The following CTNNA2 variants were observed in gnomAD, a reference collection of about 807,000 sequenced individuals.
The protein encoded by CTNNA2 is catenin alpha-2.
CTNNA2 carries 42 observed loss-of-function variants against 101.0 expected under a neutral mutation model. The ratio of observed to expected loss-of-function variants is 0.42; its 90% CI spans 0.32 to 0.54. The LOEUF is 0.54. CTNNA2 is among the 20% of genes least tolerant of loss of function. The pLI, the probability that CTNNA2 is intolerant of heterozygous loss-of-function variation, is 0.14. For synonymous variants in CTNNA2, 450 were observed against 456.4 expected (o/e 0.99, Z 0.18); for missense variants, 871 against 1,223.1 (o/e 0.71, Z 4.29).
chr2:80,610,157 C>A (rs545066327), intron 17 of CTNNA2, among the ~76,000 whole-genome samples: 58 of 151,852 alleles, frequency 3.8e-4, no homozygotes, highest in African/African-American at 1.3e-3. Context: ...TGGGCCTGCT[C>A]TTGGCTTCCT....
chr2:80,243,238 G>A (rs1205582192), intron 7 of CTNNA2, among the ~76,000 whole-genome samples: 1 of 152,068 alleles, frequency 6.6e-6, no homozygotes, highest in African/African-American at 2.4e-5. Context: ...CTTCTAAGCT[G>A]TTTTTCACAT....
chr2:79,970,805 G>T (rs973725705), intron 7 of CTNNA2, among the ~76,000 whole-genome samples: 1 of 144,798 alleles, frequency 6.9e-6, no homozygotes, highest in Admixed American at 6.8e-5. Flanking sequence ...AGGTGTAAAC[G>T]TCTAAAAAAA....
chr2:79,649,687 A>G (rs1423894662), intron 1 of CTNNA2, among the ~76,000 whole-genome samples: 1 of 152,200 alleles, frequency 6.6e-6, no homozygotes, highest in African/African-American at 2.4e-5. Context: ...GACAGGCAGC[A>G]TGTCGGTGCC....
At chr2:80,404,711 GGC>G (rs1678904024) in intron 8 of CTNNA2, among the ~76,000 whole-genome samples, 2 of 152,220 alleles carry the variant, frequency 1.3e-5, no homozygotes, top group African/African-American at 4.8e-5. Flanking sequence ...GTCTTCCCAG[GGC>G]AAGAGGTCTT....
At position 79,532,409 on chromosome 2, in the gene CTNNA2, A is replaced by T. The variant is rs191729026; in HGVS notation, c.-6+19202A>T. On this transcript the variant is annotated intron_variant, in intron 1 of 18. Transcript: ENST00000402739. ...CTAGCCTATGTTCCAAATTTATATT[A>T]TAATTGTGCTATTTTGCTATAGTAC... 6.4e-4 allele frequency among the ~76,000 whole-genome samples: 98 copies of T among 152,264 alleles called. 3 individuals are homozygous for T. Among genetic ancestry groups the T allele is most frequent in the African/African-American group, 2.3e-3 (94 of 41,568 alleles).
chr2:79,293,693 CA>C (rs1675890830), intron 2 of CTNNA2, among the ~76,000 whole-genome samples: 1 of 152,080 alleles, frequency 6.6e-6, no homozygotes, highest in Admixed American at 6.5e-5. Context: ...CACTATTTTT[CA>C]AGGACATGTG....
intron 7 of CTNNA2, among the ~76,000 whole-genome samples, chr2:80,381,607 C>T (rs767157015): frequency 6.6e-6 from 1 of 152,124 alleles, no homozygotes; most frequent in Non-Finnish European, 1.5e-5. Context: ...TTTGGGCAGG[C>T]AAAACAGCCC....
At chr2:79,596,851 T>C (rs78447581) in intron 1 of CTNNA2, among the ~76,000 whole-genome samples, 1 of 152,194 alleles carries the variant, frequency 6.6e-6, no homozygotes, top group Non-Finnish European at 1.5e-5. Context: ...TGCTCTGCTA[T>C]TCTCCAGGGC....
chr2:80,072,832 G>C (rs1698429241), intron 7 of CTNNA2, among the ~76,000 whole-genome samples: 1 of 152,128 alleles, frequency 6.6e-6, no homozygotes, highest in African/African-American at 2.4e-5. Flanking sequence ...AGGTAACAGA[G>C]AAAGACTTCC....
At chr2:80,178,484 C>A (rs1379620995) in intron 7 of CTNNA2, among the ~76,000 whole-genome samples, 2 of 152,214 alleles carry the variant, frequency 1.3e-5, no homozygotes, top group Non-Finnish European at 2.9e-5. Context: ...CCTATGGGGG[C>A]CTGCCAAAGG....
At chr2:80,416,467 C>T (rs1398765303) in intron 8 of CTNNA2, among the ~76,000 whole-genome samples, 4 of 152,126 alleles carry the variant, frequency 2.6e-5, no homozygotes, top group Non-Finnish European at 5.9e-5. Flanking sequence ...TCCCCACCAA[C>T]ACTCCTGGTT....
chr2:80,598,286 A>C (rs1017103369), intron 15 of CTNNA2, among the ~76,000 whole-genome samples: 1 of 152,106 alleles, frequency 6.6e-6, no homozygotes, highest in African/African-American at 2.4e-5. Flanking sequence ...GGAACAACAC[A>C]CACTGGGGCC....
intron 13 of CTNNA2, among the ~76,000 whole-genome samples, chr2:80,574,554 C>T (rs1469934621): frequency 3.9e-5 from 6 of 152,160 alleles, no homozygotes; most frequent in African/African-American, 1.4e-4. Flanking sequence ...GCATGCATTA[C>T]TTCCTCAGTT....
intron 5 of CTNNA2, among the ~76,000 whole-genome samples, chr2:79,871,324 G>A (rs1342517740): frequency 6.6e-6 from 1 of 152,162 alleles, no homozygotes; most frequent in African/African-American, 2.4e-5. Context: ...TTATTTTTAA[G>A]TATGTTTTTA....
At chr2:79,856,699 A>T (rs141743072) in intron 3 of CTNNA2, among the ~76,000 whole-genome samples, 2 of 152,270 alleles carry the variant, frequency 1.3e-5, no homozygotes, top group African/African-American at 4.8e-5. Flanking sequence ...CCCTTGATGC[A>T]AATATATACC....
At chr2:80,043,023 CTTTCTTTCTTTCTTTCCTT>C (rs1696182434) in intron 7 of CTNNA2, among the ~76,000 whole-genome samples, 8 of 42,866 alleles carry the variant, frequency 1.9e-4, no homozygotes, top group Non-Finnish European at 2.8e-4. Flanking sequence ...CTTTCCCTTT[CTTTCTTTCTTTCTTTCCTT>C]CTTTCTTTCT....
chr2:80,469,597 A>G (rs1685126992), intron 9 of CTNNA2, among the ~76,000 whole-genome samples: 1 of 152,222 alleles, frequency 6.6e-6, no homozygotes, highest in Non-Finnish European at 1.5e-5. Flanking sequence ...ACAAGCCACA[A>G]ATAGGAAGTT....
intron 1 of CTNNA2, among the ~76,000 whole-genome samples, chr2:79,575,111 G>C (rs1048999788): frequency 1.3e-5 from 2 of 152,184 alleles, no homozygotes; most frequent in African/African-American, 2.4e-5. Flanking sequence ...AACATGTTCA[G>C]TTTCAATGTT....
intron 9 of CTNNA2, among the ~76,000 whole-genome samples, chr2:80,505,689 T>C (rs574628795): frequency 6.6e-6 from 1 of 152,346 alleles, no homozygotes; most frequent in Admixed American, 6.5e-5. Context: ...GTTCCCAACG[T>C]CCAGTAAGCC....
Sources: allele counts gnomAD v4.1 joint callset (sites outside exome capture counted in the v4.1 genomes callset), GRCh38; gene constraint gnomAD v4.1.1; transcripts MANE v1.5; gene names NCBI Gene and HGNC (gene_info 2026-07-23, HGNC 2026-07-21).